C8orf34: variants seen among roughly 807,000 people sequenced by gnomAD.
C8orf34 encodes chromosome 8 open reading frame 34, also known as uncharacterized protein C8orf34.
C8orf34 carries 65 observed loss-of-function variants against 68.3 expected under a neutral mutation model. The observed-to-expected ratio is 0.95, with a 90% CI of 0.78 to 1.17. The LOEUF is 1.17. C8orf34 is among the 50% of genes most tolerant of loss of function. The probability of loss-of-function intolerance (pLI) is 0.00; values close to 1 mark genes in which losing one functional copy is unlikely to be tolerated. For synonymous variants in C8orf34, 244 were observed against 241.2 expected (o/e 1.01, Z -0.11); for missense variants, 664 against 655.4 (o/e 1.01, Z -0.14).
chr8:68,356,894 A>G (rs1806772992), intron 1 of C8orf34, among the ~76,000 whole-genome samples: 1 of 152,084 alleles, frequency 6.6e-6, no homozygotes, highest in Non-Finnish European at 1.5e-5. Context: ...CTGTTCCTTC[A>G]CTGTTTGGAG....
At chr8:68,458,387 C>G (rs184057006) in intron 3 of C8orf34, among the ~76,000 whole-genome samples, 1 of 152,094 alleles carries the variant, frequency 6.6e-6, no homozygotes, top group African/African-American at 2.4e-5. Flanking sequence ...ATGCTGGGCT[C>G]AGCTGGGATG....
intron 7 of C8orf34, among the ~76,000 whole-genome samples, chr8:68,579,838 G>C (rs376992591): frequency 6.6e-6 from 1 of 152,106 alleles, no homozygotes; most frequent in Admixed American, 6.6e-5. Context: ...AACAGTCATC[G>C]TTAAATGAGA....
At chr8:68,372,137 A>G (rs1356819434) in intron 1 of C8orf34, among the ~76,000 whole-genome samples, 4 of 152,234 alleles carry the variant, frequency 2.6e-5, no homozygotes, top group Admixed American at 6.5e-5. Context: ...ATGAAGTTCC[A>G]TCTCTGAGGT....
upstream of C8orf34, chr8:68,330,722 AG>A (rs1389720413): frequency 1.5e-5 from 5 of 329,448 alleles, no homozygotes; most frequent in Non-Finnish European, 2.2e-5. Context: ...TAGGGCGAGC[AG>A]CCTCGGGGAG....
chr8:68,358,809 G>A (rs1480568393), intron 1 of C8orf34, among the ~76,000 whole-genome samples: 1 of 151,760 alleles, frequency 6.6e-6, no homozygotes, highest in Non-Finnish European at 1.5e-5. Flanking sequence ...GGGTTCAAGT[G>A]ATTCTTGTGC....
At chr8:68,803,512 A>G (rs954468997) in intron 12 of C8orf34, among the ~76,000 whole-genome samples, 3 of 152,082 alleles carry the variant, frequency 2.0e-5, no homozygotes, top group African/African-American at 7.2e-5. Flanking sequence ...AAAAAAGCGT[A>G]TTTCCAAAAA....
At chr8:68,679,626 G>A (rs1392241401) in intron 8 of C8orf34, among the ~76,000 whole-genome samples, 1 of 151,980 alleles carries the variant, frequency 6.6e-6, no homozygotes, top group Non-Finnish European at 1.5e-5. Flanking sequence ...TGTATCCTGA[G>A]CAAAAAGAAT....
At chr8:68,484,908 A>C (rs2129631314) in intron 4 of C8orf34, among the ~76,000 whole-genome samples, 1 of 152,396 alleles carries the variant, frequency 6.6e-6, no homozygotes, top group East Asian at 1.9e-4. Flanking sequence ...AGGCAAAGTC[A>C]TCAAAATATG....
Position 68,447,108 on chromosome 8 carries a change from T to C in C8orf34, c.607+648T>C, listed in dbSNP as rs150276936. 2.1e-3 allele frequency: 328 copies of C among 153,720 alleles called. 1 individual carries two copies. Among genetic ancestry groups the C allele is most frequent in the African/African-American group, 7.1e-3 (294 of 41,582 alleles). 9.5% of individuals were successfully genotyped at this position (153,720 alleles called of 1,614,324 possible). A position where few individuals can be genotyped will look rare whatever the true frequency, so the allele number is the denominator to read the frequency against. ...GAGAGCCGCAGGAAGCTTCCACTCA[T>C]GGCAGAAGGTGAAGGGGTGCACGCA... On this transcript the variant is annotated intron_variant, in intron 3 of 13. Transcript: ENST00000518698.
At chr8:68,350,670 C>T (rs979488872) in intron 1 of C8orf34, among the ~76,000 whole-genome samples, 6 of 152,026 alleles carry the variant, frequency 3.9e-5, no homozygotes, top group Non-Finnish European at 4.4e-5. Context: ...GAATTGAACC[C>T]TTTACAATTA....
chr8:68,625,409 G>C (rs992195294), intron 7 of C8orf34: 101 of 499,694 alleles, frequency 2.0e-4, no homozygotes, highest in African/African-American at 1.7e-3. Flanking sequence ...TGAGGTGACA[G>C]AATGCTGCAT....
intron 7 of C8orf34, among the ~76,000 whole-genome samples, chr8:68,622,371 C>T (rs1818413138): frequency 6.6e-6 from 1 of 152,160 alleles, no homozygotes; most frequent in South Asian, 2.1e-4. Flanking sequence ...ATGTTAAAGT[C>T]ATCCTGACAC....
At chr8:68,572,370 C>G (rs1816783263) in intron 7 of C8orf34, among the ~76,000 whole-genome samples, 1 of 151,940 alleles carries the variant, frequency 6.6e-6, no homozygotes, top group South Asian at 2.1e-4. Flanking sequence ...ATTATTAACA[C>G]TACATACTAC....
In C8orf34 at chr8:68,603,534, T is replaced by C. The variant is rs1272362340; in HGVS notation, c.1106-36842T>C. The stretch of plus-strand genomic sequence containing the variant: ...GTATATATACATATATCTATCTATC[T>C]ATCTATCTATCTATCTATCTATCTA... On this transcript the variant is annotated intron_variant, in intron 7 of 13. Coordinates refer to ENST00000518698, the MANE Select transcript of C8orf34 (RefSeq NM_052958.4). Among the ~76,000 whole-genome samples, 49 of 85,878 alleles carry C rather than the reference T, an allele frequency of 5.7e-4. 1 individual carries two copies. Among genetic ancestry groups the C allele is most frequent in the African/African-American group, 2.1e-3 (19 of 8,838 alleles). 56.3% of individuals were successfully genotyped at this position (85,878 alleles called of 152,430 possible). A position where few individuals can be genotyped will look rare whatever the true frequency, so the allele number is the denominator to read the frequency against.
intron 7 of C8orf34, among the ~76,000 whole-genome samples, chr8:68,623,409 A>C (rs565462069): frequency 4.6e-5 from 7 of 151,870 alleles, no homozygotes; most frequent in African/African-American, 1.7e-4. Flanking sequence ...AGCACTCCCC[A>C]CCCCACCCTC....
intron 11 of C8orf34, among the ~76,000 whole-genome samples, chr8:68,785,891 G>T (rs533206856): frequency 4.3e-4 from 65 of 152,188 alleles, no homozygotes; most frequent in African/African-American, 1.5e-3. Context: ...CTCTAGATTG[G>T]GGCTGAACTT....
chr8:68,716,258 A>G (rs28480601), intron 9 of C8orf34, among the ~76,000 whole-genome samples: 1,530 of 152,224 alleles, frequency 0.01, 21 homozygotes, highest in African/African-American at 0.034. Context: ...AGAAATCACC[A>G]TTAAATAACT....
chr8:68,371,623 G>A (rs1807567411), intron 1 of C8orf34, among the ~76,000 whole-genome samples: 1 of 145,614 alleles, frequency 6.9e-6, no homozygotes, highest in Non-Finnish European at 1.5e-5. Context: ...TTTTTGATAC[G>A]GAGTCTCGCT....
At chr8:68,496,322 G>A (rs140923140) in intron 5 of C8orf34, among the ~76,000 whole-genome samples, 133 of 152,298 alleles carry the variant, frequency 8.7e-4, no homozygotes, top group African/African-American at 2.8e-3. Context: ...ACAACCCCAT[G>A]AGAAAGCTCT....
Sources: allele counts gnomAD v4.1 joint callset (sites outside exome capture counted in the v4.1 genomes callset), GRCh38; gene constraint gnomAD v4.1.1; transcripts MANE v1.5; gene names NCBI Gene and HGNC (gene_info 2026-07-23, HGNC 2026-07-21).